The following ST6GALNAC3 variants were observed in gnomAD, a reference collection of about 807,000 sequenced individuals.
ST6GALNAC3 encodes the protein alpha-N-acetylgalactosaminide alpha-2,6-sialyltransferase 3.
A neutral mutation model predicts 32.7 loss-of-function variants in ST6GALNAC3; 25 were observed. The observed-to-expected ratio is 0.76, with a 90% CI of 0.56 to 1.07. ST6GALNAC3 has a LOEUF of 1.07. ST6GALNAC3 is among the 50% of genes least tolerant of loss of function. The probability of loss-of-function intolerance (pLI) is 0.00; values close to 1 mark genes in which losing one functional copy is unlikely to be tolerated. For missense variants in ST6GALNAC3, 355 were observed against 382.4 expected, an observed-to-expected ratio of 0.93 and a Z score of 0.60; for synonymous variants, 129 against 133.1, an observed-to-expected ratio of 0.97 and a Z score of 0.21.
At chr1:76,184,252 T>C (rs1653386267) in intron 1 of ST6GALNAC3, among the ~76,000 whole-genome samples, 2 of 151,992 alleles carry the variant, frequency 1.3e-5, no homozygotes, top group South Asian at 2.1e-4. Context: ...TTAAGAAACA[T>C]ATGGGGCTGG....
Position 76,212,155 on chromosome 1 carries a change from C to T in ST6GALNAC3, c.19-101650C>T, listed in dbSNP as rs146153944. On this transcript the variant is annotated intron_variant, in intron 1 of 4. Transcript: ENST00000328299. ...TGGGCTCATGGAGCTATGTTAAAGA[C>T]TTCATTTCCATCCTCAGAAAAACAT... Among the ~76,000 whole-genome samples, 278 of 152,234 alleles carry T rather than the reference C, an allele frequency of 1.8e-3. 1 individual carries two copies. The highest frequency in any genetic ancestry group is 6.8e-3 in the Middle Eastern group (2 of 292).
chr1:76,327,577 T>C (rs1204065901), intron 2 of ST6GALNAC3, among the ~76,000 whole-genome samples: 2 of 152,196 alleles, frequency 1.3e-5, no homozygotes, highest in Non-Finnish European at 2.9e-5. Context: ...TAATCTCATC[T>C]ACAAAATATC....
At chr1:76,342,615 G>A (rs960206769) in intron 2 of ST6GALNAC3, among the ~76,000 whole-genome samples, 1 of 151,664 alleles carries the variant, frequency 6.6e-6, no homozygotes, top group African/African-American at 2.4e-5. Flanking sequence ...CCCTTTGTCA[G>A]ATGGATAGAT....
At chr1:76,345,219 G>A (rs939736252) in intron 2 of ST6GALNAC3, among the ~76,000 whole-genome samples, 2 of 152,058 alleles carry the variant, frequency 1.3e-5, no homozygotes, top group African/African-American at 4.8e-5. Flanking sequence ...GTCTTCATTT[G>A]CCTCTTTACC....
intron 1 of ST6GALNAC3, among the ~76,000 whole-genome samples, chr1:76,214,152 G>GTGACTATTTAAAT (rs773897571): frequency 4.3e-4 from 65 of 152,022 alleles, no homozygotes; most frequent in Non-Finnish European, 7.8e-4. Context: ...CTACTCATAT[G>GTGACTATTTAAAT]TGACTATTTA....
chr1:76,374,752 C>T (rs1651088311), intron 2 of ST6GALNAC3, among the ~76,000 whole-genome samples: 1 of 152,084 alleles, frequency 6.6e-6, no homozygotes, highest in Admixed American at 6.6e-5. Flanking sequence ...CTTAATTTTA[C>T]ATTAATATTG....
chr1:76,435,513 A>G (rs546856779), intron 3 of ST6GALNAC3, among the ~76,000 whole-genome samples: 2 of 152,318 alleles, frequency 1.3e-5, no homozygotes, highest in African/African-American at 4.8e-5. Context: ...TGGATAGATC[A>G]TAGATAATCA....
At chr1:76,120,726 T>C (rs1049632277) in intron 1 of ST6GALNAC3, among the ~76,000 whole-genome samples, 1 of 152,198 alleles carries the variant, frequency 6.6e-6, no homozygotes, top group Admixed American at 6.5e-5. Context: ...CAACTCCTGC[T>C]CTTTCTCTGA....
chr1:76,151,368 C>T (rs1315968400), intron 1 of ST6GALNAC3, among the ~76,000 whole-genome samples: 1 of 152,190 alleles, frequency 6.6e-6, no homozygotes, highest in African/African-American at 2.4e-5. Flanking sequence ...ACATCACAGG[C>T]GTGGCTTAAA....
At chr1:76,171,088 G>GGTGT (rs71071988) in intron 1 of ST6GALNAC3, among the ~76,000 whole-genome samples, 6,096 of 149,478 alleles carry the variant, frequency 0.041, 139 homozygotes, top group South Asian at 0.073. Context: ...CATTGAGAGG[G>GGTGT]GTGTGTGTGT....
chr1:76,209,622 G>C (rs981208833), intron 1 of ST6GALNAC3, among the ~76,000 whole-genome samples: 2 of 152,188 alleles, frequency 1.3e-5, no homozygotes, highest in South Asian at 4.1e-4. Flanking sequence ...TAGCTTACTC[G>C]ACGGGAATCT....
intron 1 of ST6GALNAC3, among the ~76,000 whole-genome samples, chr1:76,186,065 C>T (rs558078902): frequency 1.3e-5 from 2 of 152,168 alleles, no homozygotes; most frequent in Non-Finnish European, 2.9e-5. Flanking sequence ...CAATCCTCCA[C>T]AGATATGGAG....
At chr1:76,205,412 T>C (rs549014) in intron 1 of ST6GALNAC3, among the ~76,000 whole-genome samples, 118,782 of 151,888 alleles carry the variant, frequency 0.78, 47,880 homozygotes, top group East Asian at 1. Context: ...TAGGGTTCCC[T>C]GACACACAGG....
intron 2 of ST6GALNAC3, among the ~76,000 whole-genome samples, chr1:76,380,025 T>G (rs1030230143): frequency 6.6e-6 from 1 of 151,764 alleles, no homozygotes; most frequent in Admixed American, 6.6e-5. Flanking sequence ...AGCAAATAAA[T>G]AAAGAAAAAC....
chr1:76,500,279 G>T (rs1465082836), intron 3 of ST6GALNAC3, among the ~76,000 whole-genome samples: 1 of 152,076 alleles, frequency 6.6e-6, no homozygotes, highest in African/African-American at 2.4e-5. Context: ...TGCTTTCTGA[G>T]TCATCTGATA....
At chr1:76,601,653 C>T (rs541245545) in intron 3 of ST6GALNAC3, among the ~76,000 whole-genome samples, 45 of 152,282 alleles carry the variant, frequency 3.0e-4, no homozygotes, top group African/African-American at 1.1e-3. Flanking sequence ...GATAATAATT[C>T]GCATTTACAA....
rs1468035506 is a variant in ST6GALNAC3, at chr1:76,629,351, G to A, written c.*545G>A. ...CTTCCTAATATACCATCTTTCTACAGTATTTCCTACAGCTAAAGCCTCAGG... is the reference window on the plus strand; with the variant it reads ...CTTCCTAATATACCATCTTTCTACAATATTTCCTACAGCTAAAGCCTCAGG... On this transcript the variant is annotated 3_prime_UTR_variant, in exon 5 of 5. Transcript: ENST00000328299. 4.0e-5 allele frequency: 39 copies of A among 985,280 alleles called. No homozygotes were observed. The highest frequency in any genetic ancestry group is 4.7e-5 in the Non-Finnish European group (39 of 829,854). The allele number at this position is 985,280 out of a possible 1,614,324, so 61.0% of individuals were successfully genotyped here. A position where few individuals can be genotyped will look rare whatever the true frequency, so the allele number is the denominator to read the frequency against.
chr1:76,615,456 C>T (rs1648233603), intron 3 of ST6GALNAC3, among the ~76,000 whole-genome samples: 1 of 152,142 alleles, frequency 6.6e-6, no homozygotes, highest in South Asian at 2.1e-4. Context: ...TCAGCTCTTA[C>T]TTTCAGTCAC....
At chr1:76,206,460 A>G (rs1254529809) in intron 1 of ST6GALNAC3, among the ~76,000 whole-genome samples, 8 of 152,178 alleles carry the variant, frequency 5.3e-5, no homozygotes, top group Non-Finnish European at 1.5e-5. Context: ...GATGTGAGGA[A>G]TTGCACTAAT....
Sources: gnomAD v4.1 joint callset for allele counts (sites outside exome capture counted in the v4.1 genomes callset) on GRCh38, gnomAD v4.1.1 for gene constraint, MANE v1.5 for transcripts, NCBI Gene and HGNC (gene_info 2026-07-23, HGNC 2026-07-21) for gene names.